The following KLHL8 variants were observed in gnomAD, a reference collection of about 807,000 sequenced individuals.
The protein encoded by KLHL8 is kelch like family member 8.
KLHL8 carries 38 observed loss-of-function variants against 63.5 expected under a neutral mutation model. The ratio of observed to expected loss-of-function variants is 0.60; its 90% CI spans 0.46 to 0.78. KLHL8 has a LOEUF of 0.78. Ranked by LOEUF, KLHL8 falls within the 30% of genes least tolerant of loss-of-function variation. The pLI is 0.00. For synonymous variants in KLHL8, 224 were observed against 254.3 expected, an observed-to-expected ratio of 0.88 and a Z score of 1.13; for missense variants, 566 against 752.4, an observed-to-expected ratio of 0.75 and a Z score of 2.90.
At chr4:87,185,131 T>A (rs1164401727) in intron 3 of KLHL8, 120 bp downstream of exon 3, 4 of 987,594 alleles carry the variant, frequency 4.1e-6, no homozygotes, top group Non-Finnish European at 5.8e-6. Context: ...TTTCTATTAT[T>A]TATTACATCA....
intron 1 of KLHL8, among the ~76,000 whole-genome samples, chr4:87,209,023 TA>T (rs1245303718): frequency 1.3e-5 from 2 of 152,126 alleles, no homozygotes; most frequent in Admixed American, 1.3e-4. Flanking sequence ...ATCTATTATA[TA>T]TAATAGAACA....
chr4:87,192,952 T>C (rs1209194210), intron 2 of KLHL8, among the ~76,000 whole-genome samples: 2 of 152,318 alleles, frequency 1.3e-5, no homozygotes, highest in South Asian at 2.1e-4. Flanking sequence ...TGAATGGAGC[T>C]GCAGGGCCTG....
chr4:87,228,496 C>G (rs1267933895), intron 1 of KLHL8, among the ~76,000 whole-genome samples: 1 of 152,202 alleles, frequency 6.6e-6, no homozygotes, highest in Admixed American at 6.5e-5. Context: ...CCAAAACAGT[C>G]TCACTAAAGA....
intron 1 of KLHL8, among the ~76,000 whole-genome samples, chr4:87,206,109 C>T (rs1430271004): frequency 6.6e-6 from 1 of 152,162 alleles, no homozygotes; most frequent in Admixed American, 6.5e-5. Context: ...ACAACCTATC[C>T]ACTTCAATTC....
Position 87,178,569 on chromosome 4 carries a change from CT to C in KLHL8, c.1003del (p.Ser335ValfsTer18). The C allele has an allele frequency of 6.2e-7, 1 of 1,610,136 alleles. No individual in the cohort carries two copies. The highest frequency in any genetic ancestry group is 8.5e-7 in the Non-Finnish European group (1 of 1,179,090). On this transcript the variant is annotated frameshift_variant, in exon 5 of 10. Transcript: ENST00000273963. LOFTEE classifies it high-confidence loss of function. ...TTTGTTGATAGAATAGCATTCAATA[CT>C]GCGAAAGGGGTCACCAGATCCACCT... ...GRGGSGDPFR[S>X]IECYSINKNS... is the part of the protein sequence containing the mutation.
chr4:87,207,262 G>A (rs777729721), intron 1 of KLHL8: 28 of 572,984 alleles, frequency 4.9e-5, no homozygotes, highest in Admixed American at 1.0e-4. Flanking sequence ...TCCATGCACC[G>A]TAAAGGCTGA....
chr4:87,176,664 T>C, intron 6 of KLHL8, 93 bp downstream of exon 6: 1 of 730,448 alleles, frequency 1.4e-6, no homozygotes, highest in East Asian at 2.6e-5. Flanking sequence ...TTAAAGTTTC[T>C]AAAGTAGAAA....
At chr4:87,174,958 G>T (rs1223187410) in intron 6 of KLHL8, among the ~76,000 whole-genome samples, 1 of 152,040 alleles carries the variant, frequency 6.6e-6, no homozygotes, top group Non-Finnish European at 1.5e-5. Flanking sequence ...ACTCCTGTAA[G>T]TTTTCTTGTC....
intron 8 of KLHL8, among the ~76,000 whole-genome samples, chr4:87,168,962 T>TA (rs35255534): frequency 0.29 from 35,231 of 122,852 alleles, 4,832 homozygotes; most frequent in Non-Finnish European, 0.34. Context: ...ATTGTTAAAG[T>TA]AAAAAAAAAA....
At chr4:87,222,905 C>A (rs182649774), upstream of KLHL8, among the ~76,000 whole-genome samples, 1 of 151,872 alleles carries the variant, frequency 6.6e-6, no homozygotes, top group Non-Finnish European at 1.5e-5. Flanking sequence ...TTTAGTAAGA[C>A]CATGTTAATA....
intron 5 of KLHL8, 131 bp from the exon 6 acceptor site, chr4:87,176,999 C>T: frequency 3.9e-6 from 2 of 513,844 alleles, no homozygotes; most frequent in South Asian, 6.6e-5. Flanking sequence ...TTCTGTTCAA[C>T]ATTATGATCA....
Position 87,178,727 on chromosome 4 carries a change from G to A in KLHL8, c.953-107C>T, listed in dbSNP as rs986193223. Reference sequence around the variant, plus strand: ...CAAAAAGACAAAAAAAAGTTATTTGGATAGTATTCAATGTTATTATGTTAC... The same window carrying A: ...CAAAAAGACAAAAAAAAGTTATTTGAATAGTATTCAATGTTATTATGTTAC... On this transcript the variant is annotated intron_variant, in intron 4 of 9. Transcript: ENST00000273963. The A allele has an allele frequency of 1.4e-5, 15 of 1,090,872 alleles. 1 individual carries two copies. The highest frequency in any genetic ancestry group is 1.1e-4 in the South Asian group (6 of 53,520). The allele number at this position is 1,090,872 out of a possible 1,614,324, so 67.6% of individuals were successfully genotyped here. A position where few individuals can be genotyped will look rare whatever the true frequency, so the allele number is the denominator to read the frequency against.
Position 87,185,623 on chromosome 4 carries a change from A to G in KLHL8, c.393T>C (p.Thr131=). The G allele has an allele frequency of 6.2e-7, 1 of 1,614,248 alleles. No individual in the cohort carries two copies. Among genetic ancestry groups the G allele is most frequent in the Non-Finnish European group, 8.5e-7 (1 of 1,180,042 alleles). The change falls in exon 3 of 10, where the codon ACT becomes ACC. Residue 131 remains threonine (T), a synonymous_variant. Coordinates refer to ENST00000273963, the MANE Select transcript of KLHL8 (RefSeq NM_020803.5). The stretch of plus-strand genomic sequence containing the variant: ...GAGGCTGGACATTGTCAACAGTCAA[A>G]GTGAGCCGTGAAGAATAGACAAACT... ...LVKFVYSSRL[T]LTVDNVQPLL...
chr4:87,226,852 TATAA>T (rs1234342657), intron 1 of KLHL8, among the ~76,000 whole-genome samples: 1 of 31,498 alleles, frequency 3.2e-5, no homozygotes, highest in African/African-American at 1.3e-4. Flanking sequence ...ATATATTATA[TATAA>T]ATAATATATA....
chr4:87,214,533 T>A (rs1732526944), intron 1 of KLHL8, among the ~76,000 whole-genome samples: 1 of 149,444 alleles, frequency 6.7e-6, no homozygotes, highest in African/African-American at 2.5e-5. Context: ...GTAAAATTCC[T>A]ATTTTTTTGC....
At position 87,163,686 on chromosome 4, in the gene KLHL8, T is replaced by A. The variant is rs775155200; in HGVS notation, c.1740-44A>T. 2.5e-6 allele frequency: 4 copies of A among 1,609,058 alleles called. No individual in the cohort carries two copies. The East Asian group carries it at 6.7e-5, about 27-fold the overall frequency. On this transcript the variant is annotated intron_variant, in intron 9 of 9. Transcript: ENST00000273963. The stretch of plus-strand genomic sequence containing the variant: ...AAAAATGTTACAAAGCATAATTTAC[T>A]TTACTCAAAATACTAACCAAAGACA...
intron 2 of KLHL8, among the ~76,000 whole-genome samples, chr4:87,189,688 A>C (rs1345676338): frequency 6.6e-6 from 1 of 152,058 alleles, no homozygotes; most frequent in African/African-American, 2.4e-5. Flanking sequence ...TGAAAAAAAA[A>C]AGAGTTAACA....
intron 2 of KLHL8, among the ~76,000 whole-genome samples, chr4:87,192,873 A>G (rs961520274): frequency 6.6e-6 from 1 of 152,218 alleles, no homozygotes; most frequent in Non-Finnish European, 1.5e-5. Context: ...ATATAAACAT[A>G]GGAAAGGTAC....
At chr4:87,195,231 A>G (rs910017739) in intron 2 of KLHL8, 93 bp downstream of exon 2, 9 of 894,602 alleles carry the variant, frequency 1.0e-5, no homozygotes, top group East Asian at 7.8e-5. Context: ...AAATATGTAT[A>G]GCAACAAAAT....
Sources: gnomAD v4.1 joint callset for allele counts (sites outside exome capture counted in the v4.1 genomes callset) on GRCh38, gnomAD v4.1.1 for gene constraint, MANE v1.5 for transcripts, NCBI Gene and HGNC (gene_info 2026-07-23, HGNC 2026-07-21) for gene names.